PSTPIP1: variants seen among roughly 807,000 people sequenced by gnomAD.
PSTPIP1 encodes proline-serine-threonine phosphatase-interacting protein 1.
PSTPIP1 carries 66 observed loss-of-function variants against 69.6 expected under a neutral mutation model. The observed-to-expected ratio is 0.95, with a 90% CI of 0.78 to 1.16. The LOEUF is 1.16. PSTPIP1 is among the 50% of genes most tolerant of loss of function. The probability of loss-of-function intolerance (pLI) is 0.00; values close to 1 mark genes in which losing one functional copy is unlikely to be tolerated. For missense variants in PSTPIP1, 603 were observed against 557.4 expected (o/e 1.08, Z -0.82); for synonymous variants, 266 against 222.7 (o/e 1.19, Z -1.73).
chr15:77,034,023 G>C (rs779120528), intron 12 of PSTPIP1, among the ~76,000 whole-genome samples: 2 of 152,104 alleles, frequency 1.3e-5, no homozygotes, highest in Non-Finnish European at 2.9e-5. Flanking sequence ...GAAAGGAGTG[G>C]CCCCAGAGAG....
intron 14 of PSTPIP1, among the ~76,000 whole-genome samples, chr15:77,036,497 A>C (rs1049378795): frequency 2.6e-5 from 4 of 152,130 alleles, no homozygotes; most frequent in African/African-American, 9.7e-5. Flanking sequence ...CAGCTATGAG[A>C]GTCCTTTCTG....
rs372789100 is a variant in PSTPIP1, at chr15:77,037,193, C to T, written c.*17C>T. The T allele has an allele frequency of 6.3e-6, 10 of 1,578,524 alleles. No homozygotes were observed. The highest frequency in any genetic ancestry group is 1.3e-5 in the African/African-American group (1 of 74,170). ...AAGCTTTGAGGAAGGGCCAGGAGCC[C>T]CTTCGGACCTGCCCTGCCAGTGGAG... On this transcript the variant is annotated 3_prime_UTR_variant, in exon 15 of 15. Transcript: ENST00000558012.
chr15:77,018,696 G>T (rs2076102180), intron 3 of PSTPIP1, among the ~76,000 whole-genome samples, 165 bp downstream of exon 3: 1 of 152,178 alleles, frequency 6.6e-6, no homozygotes. Flanking sequence ...GTGAGGCCAG[G>T]TTCTGTGAGG....
intron 1 of PSTPIP1, among the ~76,000 whole-genome samples, chr15:77,017,551 C>T (rs577653369): frequency 6.6e-6 from 1 of 152,334 alleles, no homozygotes; most frequent in South Asian, 2.1e-4. Context: ...CCTGAGCCCA[C>T]AGAGAGCCCA....
chr15:77,032,480 G>C (rs745993601), intron 11 of PSTPIP1, 86 bp downstream of exon 11: 1 of 1,432,106 alleles, frequency 7.0e-7, no homozygotes, highest in African/African-American at 1.4e-5. Context: ...TGCCAGGACC[G>C]GGCTGGGGTA....
In PSTPIP1 at chr15:77,031,291, G is replaced by A. The variant is rs894814046; in HGVS notation, c.741+13G>A. 6.2e-7 allele frequency: 1 copy of A among 1,611,312 alleles called. No homozygotes were observed. Among genetic ancestry groups the A allele is most frequent in the Non-Finnish European group, 8.5e-7 (1 of 1,178,700 alleles). ...CAAGGATGATGAGGTGGGGGCTGAG[G>A]GCCTTGGTGTGGGGTAAGGTAGGGC... is the stretch of plus-strand genomic sequence containing the variant. On this transcript the variant is annotated intron_variant, in intron 10 of 14. Coordinates refer to ENST00000558012, the MANE Select transcript of PSTPIP1 (RefSeq NM_003978.5).
At chr15:77,013,428 C>T (rs577563539) in intron 1 of PSTPIP1, among the ~76,000 whole-genome samples, 31 of 152,278 alleles carry the variant, frequency 2.0e-4, no homozygotes, top group African/African-American at 7.2e-4. Flanking sequence ...GGGGCACAGG[C>T]CGTGACTGTA....
chr15:77,008,624 T>G (rs1365757542), intron 1 of PSTPIP1, among the ~76,000 whole-genome samples: 1 of 152,148 alleles, frequency 6.6e-6, no homozygotes, highest in African/African-American at 2.4e-5. Context: ...TGACCAGGCT[T>G]GTCTCGCACT....
rs74025047 is a variant in PSTPIP1, at chr15:77,030,889, C to G, written c.643-291C>G. On this transcript the variant is annotated intron_variant, in intron 9 of 14. Transcript: ENST00000558012. ...CTGCCGATGGACAGGGCCTGGGGAA[C>G]AGGGCTCAGGACTCCCGTCCGAGGT... 0.037 allele frequency among the ~76,000 whole-genome samples: 5,674 copies of G among 152,338 alleles called. 187 individuals are homozygous for G. The highest frequency in any genetic ancestry group is 0.089 in the African/African-American group (3,685 of 41,578).
intron 12 of PSTPIP1, among the ~76,000 whole-genome samples, chr15:77,033,389 C>T (rs2076469368): frequency 6.6e-6 from 1 of 152,166 alleles, no homozygotes; most frequent in African/African-American, 2.4e-5. Flanking sequence ...AGTGCTGGGC[C>T]TCAATGTGTG....
chr15:77,033,002 G>T (rs1555681595), intron 12 of PSTPIP1, 50 bp downstream of exon 12: 1 of 1,533,428 alleles, frequency 6.5e-7, no homozygotes, highest in Non-Finnish European at 8.9e-7. Context: ...CCAGGAAGTG[G>T]GTCGAGCCCC....
intron 1 of PSTPIP1, among the ~76,000 whole-genome samples, chr15:77,013,454 T>TA (rs1404585742): frequency 3.9e-5 from 6 of 152,092 alleles, no homozygotes; most frequent in Non-Finnish European, 8.8e-5. Flanking sequence ...GAGAAACATC[T>TA]CATTGCCCTG....
In PSTPIP1 at chr15:76,995,314, C is replaced by T. The variant is rs937048360; in HGVS notation, c.-260C>T. 13 of 1,387,360 alleles carry T rather than the reference C, an allele frequency of 9.4e-6. No homozygotes were observed. Among genetic ancestry groups the T allele is most frequent in the African/African-American group, 4.4e-5 (3 of 68,504 alleles). The allele number at this position is 1,387,360 out of a possible 1,614,324, so 85.9% of individuals were successfully genotyped here. A position where few individuals can be genotyped will look rare whatever the true frequency, so the allele number is the denominator to read the frequency against. ...GAGGGGCTGGGCTGGACACCAGGGCCCGCCCTCCCATCACTGAGCTCCACT... is the reference window on the plus strand; with the variant it reads ...GAGGGGCTGGGCTGGACACCAGGGCTCGCCCTCCCATCACTGAGCTCCACT... On this transcript the variant is annotated 5_prime_UTR_variant, in exon 1 of 15. Transcript: ENST00000558012.
rs760819203 is a variant in PSTPIP1, at chr15:76,995,450, C to T, written c.-124C>T. 148 of 1,555,056 alleles carry T rather than the reference C, an allele frequency of 9.5e-5. No individual in the cohort carries two copies. Among genetic ancestry groups the T allele is most frequent in the Non-Finnish European group, 1.2e-4 (138 of 1,153,878 alleles). Reference sequence around the variant, plus strand: ...GCTGCCTTCTGAGTGTTGCAGACGGCGCCGGCCGGGAAGGGGGGCCTGGGC... The same window carrying T: ...GCTGCCTTCTGAGTGTTGCAGACGGTGCCGGCCGGGAAGGGGGGCCTGGGC... On this transcript the variant is annotated 5_prime_UTR_variant, in exon 1 of 15. Coordinates refer to ENST00000558012, the MANE Select transcript of PSTPIP1 (RefSeq NM_003978.5).
At position 77,026,279 on chromosome 15, in the gene PSTPIP1, G is replaced by A. The variant is rs114772418; in HGVS notation, c.354+675G>A. ...GGACGCAGACTGGCCTGGAGGCTGG[G>A]CTTGGGCCTGTGAGGATGGGGGCTG... On this transcript the variant is annotated intron_variant, in intron 5 of 14. Transcript: ENST00000558012. 1.5e-3 allele frequency: 656 copies of A among 446,498 alleles called. 2 individuals are homozygous for A. The highest frequency in any genetic ancestry group is 2.5e-3 in the Non-Finnish European group (552 of 222,070). 27.7% of individuals were successfully genotyped at this position (446,498 alleles called of 1,614,324 possible).
At chr15:77,035,417 C>CTCTGAGACCTCTCCCTG in intron 12 of PSTPIP1, 91 bp from the exon 13 acceptor site, 1 of 1,357,504 alleles carries the variant, frequency 7.4e-7, no homozygotes, top group South Asian at 1.3e-5. Context: ...GCGCGTGCAG[C>CTCTGAGACCTCTCCCTG]TCTGAGACCT....
At chr15:77,009,231 C>G (rs1241683071) in intron 1 of PSTPIP1, among the ~76,000 whole-genome samples, 7 of 152,172 alleles carry the variant, frequency 4.6e-5, no homozygotes, top group Non-Finnish European at 7.4e-5. Flanking sequence ...GGCCCTGAAC[C>G]TGCTGAGGAT....
In PSTPIP1 at chr15:77,022,240, C is replaced by T. The variant is rs181307808; in HGVS notation, c.213-3044C>T. Among the ~76,000 whole-genome samples the T allele has an allele frequency of 2.6e-3, 389 of 152,318 alleles. 1 individual carries two copies. Among genetic ancestry groups the T allele is most frequent in the Non-Finnish European group, 3.9e-3 (266 of 68,040 alleles). ...CCTGTTCCTGTCAGATGTCCCCTGACGCTGGCTCATCGTGGGCACAGCCTC... is the reference window on the plus strand; with the variant it reads ...CCTGTTCCTGTCAGATGTCCCCTGATGCTGGCTCATCGTGGGCACAGCCTC... On this transcript the variant is annotated intron_variant, in intron 3 of 14. Transcript: ENST00000558012.
intron 14 of PSTPIP1, 57 bp downstream of exon 14, chr15:77,035,992 C>T: frequency 6.6e-6 from 10 of 1,514,540 alleles, no homozygotes; most frequent in Non-Finnish European, 8.8e-6. Flanking sequence ...CTGAGAGCTC[C>T]CTCTCCCATC....
Sources: gnomAD v4.1 joint callset for allele counts (sites outside exome capture counted in the v4.1 genomes callset) on GRCh38, gnomAD v4.1.1 for gene constraint, MANE v1.5 for transcripts, NCBI Gene and HGNC (gene_info 2026-07-23, HGNC 2026-07-21) for gene names.